The following DST variants were observed in gnomAD, a reference collection of about 807,000 sequenced individuals.
DST encodes dystonin.
Under a neutral mutation model 875.2 loss-of-function variants are expected in DST, and 253 were observed. The observed-to-expected ratio is 0.29, with a 90% CI of 0.26 to 0.32. The LOEUF (loss-of-function observed/expected upper bound fraction) is 0.32. Among genes scored for constraint, DST ranks in the 10% least tolerant of loss-of-function variants. DST has a pLI of 1.00. For synonymous variants in DST, 3,124 were observed against 3,197.1 expected, an observed-to-expected ratio of 0.98 and a Z score of 0.77; for missense variants, 8,287 against 9,111.6, an observed-to-expected ratio of 0.91 and a Z score of 3.68.
chr6:56,882,101 CAGA>C (rs528477211), intron 3 of DST, among the ~76,000 whole-genome samples: 127 of 152,258 alleles, frequency 8.3e-4, no homozygotes, highest in African/African-American at 2.7e-3. Context: ...TCTTGAAATG[CAGA>C]AGGAGAAAAG....
rs114499132 is a variant in DST at position 56,807,870 on chromosome 6, T to C, written c.625+43527A>G. On this transcript the variant is annotated intron_variant, in intron 4 of 103. Transcript: ENST00000680361. ...AAGCATGAACCACAAAAGAAAAAAATTGGTAGGCTGGACTTCATCCCAATA... is the reference window on the plus strand; with the variant it reads ...AAGCATGAACCACAAAAGAAAAAAACTGGTAGGCTGGACTTCATCCCAATA... Among the ~76,000 whole-genome samples the C allele has an allele frequency of 6.9e-3, 1,050 of 152,208 alleles. 15 individuals carry two copies. Among genetic ancestry groups the C allele is most frequent in the African/African-American group, 0.024 (1,017 of 41,524 alleles).
chr6:56,859,711 G>A (rs1240164864), intron 3 of DST, among the ~76,000 whole-genome samples: 1 of 152,102 alleles, frequency 6.6e-6, no homozygotes, highest in East Asian at 1.9e-4. Context: ...TTCTTTCTTA[G>A]AAGGGCCTGA....
chr6:56,478,779 G>A (rs2095301681), intron 90 of DST, among the ~76,000 whole-genome samples: 1 of 152,140 alleles, frequency 6.6e-6, no homozygotes, highest in Non-Finnish European at 1.5e-5. Context: ...CACACTATGT[G>A]AACAGGGGTG....
chr6:56,727,986 G>C (rs2099473069), intron 5 of DST, among the ~76,000 whole-genome samples: 1 of 152,152 alleles, frequency 6.6e-6, no homozygotes, highest in Non-Finnish European at 1.5e-5. Flanking sequence ...ATCAGATAAT[G>C]TATGTAATGT....
intron 5 of DST, among the ~76,000 whole-genome samples, chr6:56,715,300 T>C (rs2099391026): frequency 6.6e-6 from 1 of 152,216 alleles, no homozygotes; most frequent in African/African-American, 2.4e-5. Flanking sequence ...GCCACACAGT[T>C]GGAGTTAAGT....
intron 64 of DST, 122 bp downstream of exon 64, chr6:56,532,222 G>T: frequency 1.1e-6 from 1 of 904,086 alleles, no homozygotes; most frequent in Non-Finnish European, 1.7e-6. Context: ...TGCTATCTCT[G>T]TTCACATACA....
At chr6:56,808,381 A>G (rs370682090) in intron 4 of DST, among the ~76,000 whole-genome samples, 10 of 152,238 alleles carry the variant, frequency 6.6e-5, no homozygotes, top group Admixed American at 3.3e-4. Context: ...AAAAGCGTTG[A>G]GAGACATGAA....
intron 3 of DST, among the ~76,000 whole-genome samples, chr6:56,879,204 C>T (rs1368834916): frequency 7.9e-5 from 12 of 152,074 alleles, no homozygotes; most frequent in African/African-American, 2.9e-4. Context: ...CGCGGTGGCT[C>T]ATGCCTGTAA....
chr6:56,824,487 A>C (rs1485947122), intron 4 of DST, among the ~76,000 whole-genome samples: 2 of 141,654 alleles, frequency 1.4e-5, no homozygotes, highest in African/African-American at 2.7e-5. Context: ...ATGTGAGGAG[A>C]CCCTCTCCCT....
At chr6:56,507,621 G>T (rs999997584) in intron 75 of DST, among the ~76,000 whole-genome samples, 2 of 152,232 alleles carry the variant, frequency 1.3e-5, no homozygotes, top group African/African-American at 4.8e-5. Context: ...ATTCTAGAGT[G>T]AGGAAATAAG....
chr6:56,625,990 A>C (rs562596157), intron 34 of DST, among the ~76,000 whole-genome samples: 3 of 147,672 alleles, frequency 2.0e-5, no homozygotes, highest in Admixed American at 1.3e-4. Flanking sequence ...AAAAAAAAAA[A>C]CCAAAAATTA....
At chr6:56,826,863 G>GA (rs2099781099) in intron 4 of DST, among the ~76,000 whole-genome samples, 1 of 152,176 alleles carries the variant, frequency 6.6e-6, no homozygotes, top group Admixed American at 6.5e-5. Context: ...GTCTTCAGCA[G>GA]CATCCTTTCT....
intron 87 of DST, among the ~76,000 whole-genome samples, chr6:56,486,349 C>T (rs1429980534): frequency 8.8e-6 from 1 of 113,706 alleles, no homozygotes; most frequent in African/African-American, 3.6e-5. Flanking sequence ...GGTGACAGAG[C>T]GAGACTCCGT....
intron 9 of DST, among the ~76,000 whole-genome samples, chr6:56,683,118 T>C (rs1444790703): frequency 6.6e-6 from 1 of 152,214 alleles, no homozygotes; most frequent in Non-Finnish European, 1.5e-5. Flanking sequence ...TATTAACTGT[T>C]CTAAGATTGA....
At chr6:56,767,857 T>C (rs921175550) in intron 4 of DST, among the ~76,000 whole-genome samples, 3 of 152,056 alleles carry the variant, frequency 2.0e-5, no homozygotes, top group Non-Finnish European at 4.4e-5. Context: ...CATACAGATA[T>C]CTGGAAGAAA....
intron 9 of DST, among the ~76,000 whole-genome samples, chr6:56,691,681 C>A (rs1284943535): frequency 3.3e-5 from 5 of 151,984 alleles, no homozygotes; most frequent in African/African-American, 1.2e-4. Flanking sequence ...CAAGTAAAAA[C>A]CCCAGATAAG....
At chr6:56,880,930 C>T (rs1247674456) in intron 3 of DST, among the ~76,000 whole-genome samples, 1 of 134,726 alleles carries the variant, frequency 7.4e-6, no homozygotes, top group Non-Finnish European at 1.5e-5. Flanking sequence ...TCACTGAAAG[C>T]TCCGCCTCCT....
chr6:56,832,962 C>T (rs982643388), intron 4 of DST, among the ~76,000 whole-genome samples: 1 of 152,192 alleles, frequency 6.6e-6, no homozygotes, highest in Non-Finnish European at 1.5e-5. Context: ...TGGTCTCGAA[C>T]TACTGACCTC....
chr6:56,899,068 G>A (rs937749327), intron 3 of DST, among the ~76,000 whole-genome samples: 2 of 151,978 alleles, frequency 1.3e-5, no homozygotes, highest in Non-Finnish European at 2.9e-5. Flanking sequence ...GGCAAGTTAT[G>A]TATCCTCTCT....
Sources: gnomAD v4.1 joint callset for allele counts (sites outside exome capture counted in the v4.1 genomes callset) on GRCh38, gnomAD v4.1.1 for gene constraint, MANE v1.5 for transcripts, NCBI Gene and HGNC (gene_info 2026-07-23, HGNC 2026-07-21) for gene names.